DOK5: variants seen among roughly 807,000 people sequenced by gnomAD.
The protein encoded by DOK5 is downstream of tyrosine kinase 5.
In DOK5, 27 loss-of-function variants were observed where a neutral mutation model predicts 43.3. The ratio of observed to expected loss-of-function variants is 0.62; its 90% CI spans 0.46 to 0.86. The LOEUF (loss-of-function observed/expected upper bound fraction) is 0.86, where lower values mean the gene tolerates loss of function less well. Among genes scored for constraint, DOK5 ranks in the 40% least tolerant of loss-of-function variants. The pLI is 0.00. For synonymous variants in DOK5, 146 were observed against 140.1 expected (o/e 1.04, Z -0.30); for missense variants, 373 against 392.9 (o/e 0.95, Z 0.43).
intron 1 of DOK5, among the ~76,000 whole-genome samples, chr20:54,489,713 A>G (rs192337145): frequency 1.3e-5 from 2 of 152,302 alleles, no homozygotes; most frequent in East Asian, 3.9e-4. Flanking sequence ...TATGTGTAAG[A>G]ACCTGGGTTC....
intron 6 of DOK5, among the ~76,000 whole-genome samples, chr20:54,637,851 G>A (rs1036740355): frequency 8.5e-5 from 13 of 152,292 alleles, no homozygotes; most frequent in South Asian, 6.2e-4. Context: ...GGCCGGGCGC[G>A]GTGGCTCACG....
At chr20:54,513,220 A>G (rs1479922682) in intron 1 of DOK5, among the ~76,000 whole-genome samples, 3 of 152,186 alleles carry the variant, frequency 2.0e-5, no homozygotes, top group Admixed American at 6.5e-5. Context: ...CTAATAAGAC[A>G]TAGTAATTAG....
At chr20:54,578,334 G>A (rs7265834) in intron 2 of DOK5, among the ~76,000 whole-genome samples, 11,430 of 152,076 alleles carry the variant, frequency 0.075, 1,466 homozygotes, top group African/African-American at 0.26. Context: ...TTAGTAAGCC[G>A]TATAGACACT....
intron 5 of DOK5, among the ~76,000 whole-genome samples, chr20:54,595,144 A>G (rs933132258): frequency 1.9e-4 from 29 of 152,164 alleles, no homozygotes; most frequent in Non-Finnish European, 4.0e-4. Context: ...GATCGAGACC[A>G]TCCTGGCTAA....
chr20:54,532,190 C>T (rs1204837902), intron 1 of DOK5, among the ~76,000 whole-genome samples: 1 of 152,056 alleles, frequency 6.6e-6, no homozygotes, highest in African/African-American at 2.4e-5. Flanking sequence ...CTCATTTGAC[C>T]CTCTCGACAA....
At chr20:54,568,517 A>T (rs765186978) in intron 2 of DOK5, among the ~76,000 whole-genome samples, 134 of 152,240 alleles carry the variant, frequency 8.8e-4, no homozygotes, top group Non-Finnish European at 1.6e-3. Flanking sequence ...TGCCCAAAAA[A>T]TTCTATTGAC....
intron 1 of DOK5, among the ~76,000 whole-genome samples, chr20:54,533,643 A>C (rs917441460): frequency 1.3e-5 from 2 of 152,230 alleles, no homozygotes; most frequent in Non-Finnish European, 2.9e-5. Flanking sequence ...GAAAAACTGA[A>C]GCTCAAAAGG....
rs1193499250 is a variant in DOK5, at chr20:54,591,799, C to A, written c.593C>A (p.Ala198Glu). Residue 198 changes from alanine (A) to glutamate (E), a missense_variant, in exon 5 of 8, where the codon GCA becomes GAA. Transcript: ENST00000262593. ...GATACTACGTGGTTCACTTTTGAGG[C>A]AGGGAGGTGAGTTTAATGACTTTTA... ...GRDTTWFTFE[A>E]GRMCETGEGL... 6.2e-7 allele frequency: 1 copy of A among 1,610,122 alleles called. No individual in the cohort carries two copies. The highest frequency in any genetic ancestry group is 8.5e-7 in the Non-Finnish European group (1 of 1,178,804).
At chr20:54,480,148 C>A (rs1298059550) in intron 1 of DOK5, among the ~76,000 whole-genome samples, 2 of 152,158 alleles carry the variant, frequency 1.3e-5, no homozygotes, top group Non-Finnish European at 2.9e-5. Flanking sequence ...GCTGCTGAAG[C>A]TGTCAGAGGC....
At chr20:54,495,239 G>C (rs374759498) in intron 1 of DOK5, 19 of 152,138 alleles carry the variant, frequency 1.2e-4, no homozygotes, top group African/African-American at 4.6e-4. Flanking sequence ...CCAAACAGTA[G>C]GCAAGATTTC....
At chr20:54,602,932 A>G (rs1268051920) in intron 5 of DOK5, among the ~76,000 whole-genome samples, 1 of 152,160 alleles carries the variant, frequency 6.6e-6, no homozygotes, top group Non-Finnish European at 1.5e-5. Flanking sequence ...AGGCCTCCCA[A>G]AGTGCTGGGA....
chr20:54,502,808 T>C (rs1485263989), intron 1 of DOK5, among the ~76,000 whole-genome samples: 3 of 152,206 alleles, frequency 2.0e-5, no homozygotes, highest in Non-Finnish European at 1.5e-5. Flanking sequence ...TTCATTGTGT[T>C]AGATATTCTA....
chr20:54,527,769 A>G (rs1416794992), intron 1 of DOK5, among the ~76,000 whole-genome samples: 2 of 152,216 alleles, frequency 1.3e-5, no homozygotes, highest in African/African-American at 4.8e-5. Flanking sequence ...CTTGCAGTGG[A>G]AAGCTGTGTA....
At chr20:54,557,923 T>C (rs1984768863) in intron 2 of DOK5, among the ~76,000 whole-genome samples, 1 of 152,170 alleles carries the variant, frequency 6.6e-6, no homozygotes, top group South Asian at 2.1e-4. Flanking sequence ...TAAAATACGG[T>C]CTACAAAGAC....
chr20:54,619,026 TATATATATATA>T (rs1568814412), intron 6 of DOK5, among the ~76,000 whole-genome samples: 1,340 of 42,786 alleles, frequency 0.031, 77 homozygotes, highest in African/African-American at 0.06. Context: ...CAATAAATTA[TATATATATATA>T]TATATATATA....
At chr20:54,644,654 C>T (rs1282375152) in intron 7 of DOK5, among the ~76,000 whole-genome samples, 1 of 146,760 alleles carries the variant, frequency 6.8e-6, no homozygotes, top group African/African-American at 2.6e-5. Context: ...TGCAGTGAGC[C>T]GAGATAGCGC....
chr20:54,497,766 G>A (rs1302365251), intron 1 of DOK5, among the ~76,000 whole-genome samples: 2 of 152,120 alleles, frequency 1.3e-5, no homozygotes, highest in African/African-American at 2.4e-5. Context: ...GAAGTGGGTG[G>A]AAGTGAGTTG....
chr20:54,615,904 A>C (rs1334527115), intron 6 of DOK5, among the ~76,000 whole-genome samples: 1 of 151,480 alleles, frequency 6.6e-6, no homozygotes, highest in Non-Finnish European at 1.5e-5. Context: ...CATCTCAAAA[A>C]AAAAAAGGCA....
intron 5 of DOK5, 86 bp downstream of exon 5, chr20:54,591,891 AG>A: frequency 8.3e-7 from 1 of 1,211,060 alleles, no homozygotes. Context: ...ATGAGGCGGT[AG>A]GTTTACATAT....
Sources: allele counts gnomAD v4.1 joint callset (sites outside exome capture counted in the v4.1 genomes callset), GRCh38; gene constraint gnomAD v4.1.1; transcripts MANE v1.5; gene names NCBI Gene and HGNC (gene_info 2026-07-23, HGNC 2026-07-21).